The following PDS5B variants were observed in gnomAD, a reference collection of about 807,000 sequenced individuals.
The protein encoded by PDS5B is sister chromatid cohesion protein PDS5 homolog B.
In PDS5B, 51 loss-of-function variants were observed where a neutral mutation model predicts 184.1. The ratio of observed to expected loss-of-function variants is 0.28; its 90% CI spans 0.22 to 0.35. The LOEUF is 0.35. Among genes scored for constraint, PDS5B ranks in the 10% least tolerant of loss-of-function variants. PDS5B has a pLI of 1.00. For synonymous variants in PDS5B, 566 were observed against 569.2 expected, an observed-to-expected ratio of 0.99 and a Z score of 0.08; for missense variants, 1,180 against 1,723.3, an observed-to-expected ratio of 0.68 and a Z score of 5.58.
intron 19 of PDS5B, among the ~76,000 whole-genome samples, chr13:32,713,870 A>G (rs967135025): frequency 5.9e-5 from 9 of 152,242 alleles, no homozygotes; most frequent in Admixed American, 5.2e-4. Flanking sequence ...GATTTCACAA[A>G]TATCAAGAAA....
At chr13:32,643,480 A>C (rs1017009524) in intron 1 of PDS5B, among the ~76,000 whole-genome samples, 8 of 152,124 alleles carry the variant, frequency 5.3e-5, no homozygotes, top group African/African-American at 1.7e-4. Context: ...TTTTTATTGT[A>C]TTCTCTCTGC....
intron 6 of PDS5B, 79 bp from the exon 7 acceptor site, chr13:32,667,685 A>G (rs530978412): frequency 2.5e-6 from 2 of 787,320 alleles, no homozygotes; most frequent in Non-Finnish European, 4.0e-6. Context: ...CATTTACTCA[A>G]GTAGCATTTT....
intron 13 of PDS5B, chr13:32,688,776 G>A (rs866794423): frequency 2.1e-6 from 1 of 467,422 alleles, no homozygotes; most frequent in South Asian, 3.2e-5. Context: ...TTGAAAAATA[G>A]AGCTGATTGA....
intron 11 of PDS5B, among the ~76,000 whole-genome samples, chr13:32,685,319 G>A (rs951795832): frequency 2.0e-5 from 3 of 152,082 alleles, no homozygotes; most frequent in African/African-American, 4.8e-5. Context: ...TAGTGAAAAG[G>A]GCCAAAAGGC....
intron 1 of PDS5B, among the ~76,000 whole-genome samples, chr13:32,615,322 C>T (rs2058201961): frequency 6.6e-6 from 1 of 152,118 alleles, no homozygotes; most frequent in African/African-American, 2.4e-5. Flanking sequence ...ACATTATTTT[C>T]AGTTACTCAT....
chr13:32,732,633 T>C (rs1039452690), intron 20 of PDS5B, among the ~76,000 whole-genome samples: 2 of 152,258 alleles, frequency 1.3e-5, no homozygotes, highest in Middle Eastern at 3.4e-3. Flanking sequence ...ATTGTTAATA[T>C]AAAGTAAGTT....
chr13:32,717,910 CA>C (rs1233498897), intron 19 of PDS5B, among the ~76,000 whole-genome samples: 67 of 139,370 alleles, frequency 4.8e-4, no homozygotes, highest in African/African-American at 1.7e-3. Flanking sequence ...CCCACCCCCC[CA>C]AAAAAAAACG....
At chr13:32,663,456 G>T (rs1950703820) in intron 6 of PDS5B, among the ~76,000 whole-genome samples, 1 of 152,112 alleles carries the variant, frequency 6.6e-6, no homozygotes, top group East Asian at 1.9e-4. Context: ...CATTATGTTA[G>T]TGATAGACTA....
At chr13:32,614,044 A>G (rs1433981600) in intron 1 of PDS5B, among the ~76,000 whole-genome samples, 13 of 152,200 alleles carry the variant, frequency 8.5e-5, no homozygotes, top group Admixed American at 3.9e-4. Context: ...TTGATTGTAA[A>G]TATGAGAGTT....
intron 24 of PDS5B, among the ~76,000 whole-genome samples, chr13:32,746,487 G>A (rs1448470435): frequency 6.6e-6 from 1 of 152,108 alleles, no homozygotes; most frequent in East Asian, 1.9e-4. Flanking sequence ...ATTATATATA[G>A]TTGTCTCAAC....
chr13:32,717,056 G>A (rs1382638941), intron 19 of PDS5B, among the ~76,000 whole-genome samples: 2 of 147,700 alleles, frequency 1.4e-5, no homozygotes, highest in African/African-American at 2.5e-5. Context: ...CGCCTCGTCC[G>A]GGAGGGAGGT....
chr13:32,690,479 G>C (rs1004953254), intron 13 of PDS5B: 6 of 152,152 alleles, frequency 3.9e-5, no homozygotes, highest in Non-Finnish European at 7.4e-5. Flanking sequence ...CAGACATCTT[G>C]ACTAACTATG....
At position 32,775,013 on chromosome 13, in the gene PDS5B, T is replaced by G; in HGVS notation, c.4309-4T>G. 6.2e-7 allele frequency: 1 copy of G among 1,612,742 alleles called. No homozygotes were observed. Among genetic ancestry groups the G allele is most frequent in the South Asian group, 1.1e-5 (1 of 91,002 alleles). On this transcript the variant is annotated splice_polypyrimidine_tract_variant and splice_region_variant and intron_variant, in intron 34 of 34. Transcript: ENST00000315596. ...ATTAAGCATCTGGTGACTTTCCTTTTAAGGTACGGCGGCGAAGTGCTAAAA... is the reference window on the plus strand; with the variant it reads ...ATTAAGCATCTGGTGACTTTCCTTTGAAGGTACGGCGGCGAAGTGCTAAAA...
intron 31 of PDS5B, among the ~76,000 whole-genome samples, chr13:32,769,473 T>C (rs1954704010): frequency 2.0e-5 from 3 of 152,238 alleles, no homozygotes; most frequent in Admixed American, 2.0e-4. Flanking sequence ...GGTTCACATA[T>C]AGATTCTCTG....
At chr13:32,708,679 A>G (rs145621338) in intron 18 of PDS5B, among the ~76,000 whole-genome samples, 528 of 152,300 alleles carry the variant, frequency 3.5e-3, no homozygotes, top group African/African-American at 0.012. Context: ...ATAATGTTTT[A>G]ATTTGCATAT....
chr13:32,650,919 A>T (rs1462807472), intron 2 of PDS5B, among the ~76,000 whole-genome samples: 1 of 152,158 alleles, frequency 6.6e-6, no homozygotes, highest in Non-Finnish European at 1.5e-5. Context: ...GTTGCCTAGT[A>T]TTTGCAGCAC....
intron 19 of PDS5B, among the ~76,000 whole-genome samples, chr13:32,727,259 G>T (rs1431601193): frequency 6.6e-6 from 1 of 151,996 alleles, no homozygotes; most frequent in African/African-American, 2.4e-5. Context: ...ATTTCCTCCA[G>T]TCTTTTAAGT....
intron 3 of PDS5B, among the ~76,000 whole-genome samples, chr13:32,657,825 A>T (rs1007446474): frequency 6.6e-6 from 1 of 151,998 alleles, no homozygotes. Flanking sequence ...TTTGGCAATT[A>T]AAAAAAATTG....
chr13:32,616,722 TA>T (rs1031237051), intron 1 of PDS5B, among the ~76,000 whole-genome samples: 96 of 151,906 alleles, frequency 6.3e-4, no homozygotes, highest in African/African-American at 2.2e-3. Context: ...TATAGCCTTT[TA>T]AAAAAAAATT....
Sources: gnomAD v4.1 joint callset for allele counts (sites outside exome capture counted in the v4.1 genomes callset) on GRCh38, gnomAD v4.1.1 for gene constraint, MANE v1.5 for transcripts, NCBI Gene and HGNC (gene_info 2026-07-23, HGNC 2026-07-21) for gene names.